The following MYO3B variants were observed in gnomAD, a reference collection of about 807,000 sequenced individuals.
MYO3B encodes the protein myosin-IIIb.
In MYO3B, 156 loss-of-function variants were observed where a neutral mutation model predicts 174.6. That is an observed-to-expected ratio of 0.89 (90% CI 0.78 to 1.02). The LOEUF (loss-of-function observed/expected upper bound fraction) is 1.02. MYO3B is among the 50% of genes least tolerant of loss of function. MYO3B has a pLI of 0.00. For synonymous variants in MYO3B, 563 were observed against 569.1 expected (o/e 0.99, Z 0.15); for missense variants, 1,632 against 1,639.4 (o/e 1.00, Z 0.08).
intron 8 of MYO3B, among the ~76,000 whole-genome samples, chr2:170,364,734 A>T (rs1266013130): frequency 6.6e-6 from 1 of 152,202 alleles, no homozygotes; most frequent in African/African-American, 2.4e-5. Flanking sequence ...TTTCATCTTC[A>T]TCCACTAAAT....
intron 22 of MYO3B, among the ~76,000 whole-genome samples, chr2:170,415,050 A>G (rs755391106): frequency 2.6e-5 from 4 of 152,118 alleles, no homozygotes; most frequent in African/African-American, 7.2e-5. Context: ...TTCCTTTCCA[A>G]TCTTAATGCT....
intron 22 of MYO3B, among the ~76,000 whole-genome samples, chr2:170,422,977 CTT>C (rs34882424): frequency 4.5e-5 from 4 of 88,506 alleles, no homozygotes; most frequent in Non-Finnish European, 4.1e-5. Flanking sequence ...TTCTTTCTTT[CTT>C]TTTTTTTTTT....
chr2:170,470,334 G>A (rs540836968), intron 25 of MYO3B, among the ~76,000 whole-genome samples: 3 of 151,944 alleles, frequency 2.0e-5, no homozygotes, highest in East Asian at 3.9e-4. Context: ...TTGACATTTC[G>A]TGTAAATGGA....
intron 9 of MYO3B, among the ~76,000 whole-genome samples, chr2:170,375,789 T>C (rs1015858284): frequency 5.9e-5 from 9 of 152,002 alleles, no homozygotes; most frequent in Non-Finnish European, 1.3e-4. Context: ...TGGGTTCTTA[T>C]GTAAATAAGT....
At chr2:170,416,641 T>C (rs2094580951) in intron 22 of MYO3B, among the ~76,000 whole-genome samples, 1 of 143,068 alleles carries the variant, frequency 7.0e-6, no homozygotes, top group Admixed American at 7.1e-5. Flanking sequence ...TTTTTTTTTT[T>C]GTACACACAA....
intron 23 of MYO3B, among the ~76,000 whole-genome samples, chr2:170,447,472 A>G (rs186730120): frequency 9.4e-4 from 143 of 152,306 alleles, no homozygotes; most frequent in Non-Finnish European, 1.4e-3. Flanking sequence ...GAAATTCTTC[A>G]GTTTTCATTT....
At chr2:170,383,638 G>T in intron 11 of MYO3B, 72 bp from the exon 12 acceptor site, 1 of 1,176,280 alleles carries the variant, frequency 8.5e-7, no homozygotes. Context: ...CAGATTCTTG[G>T]TTTCATGGGC....
chr2:170,622,635 C>A (rs1439050668), intron 32 of MYO3B, among the ~76,000 whole-genome samples: 1 of 152,016 alleles, frequency 6.6e-6, no homozygotes, highest in Non-Finnish European at 1.5e-5. Context: ...AGGTTTGTTA[C>A]ATATGTATAC....
At chr2:170,385,425 G>A (rs1252812775) in intron 12 of MYO3B, among the ~76,000 whole-genome samples, 1 of 152,072 alleles carries the variant, frequency 6.6e-6, no homozygotes, top group Admixed American at 6.6e-5. Flanking sequence ...AATAACGAAA[G>A]ATACTCCTAC....
intron 30 of MYO3B, chr2:170,524,527 A>G: frequency 2.2e-6 from 1 of 447,904 alleles, no homozygotes; most frequent in Non-Finnish European, 4.5e-6. Flanking sequence ...TCTGTTGCTC[A>G]GGCTGGAGTG....
At chr2:170,328,109 C>T (rs758554309) in intron 7 of MYO3B, among the ~76,000 whole-genome samples, 1 of 151,884 alleles carries the variant, frequency 6.6e-6, no homozygotes, top group Non-Finnish European at 1.5e-5. Context: ...GTTGTATTGC[C>T]CAGGCTGATC....
intron 8 of MYO3B, among the ~76,000 whole-genome samples, chr2:170,347,790 A>G (rs1051629545): frequency 6.6e-6 from 1 of 152,180 alleles, no homozygotes; most frequent in Admixed American, 6.5e-5. Flanking sequence ...AAAAGTGAAC[A>G]ATTCAGTGGT....
At chr2:170,404,586 C>T (rs922843154) in intron 20 of MYO3B, among the ~76,000 whole-genome samples, 186 bp downstream of exon 20, 1 of 152,244 alleles carries the variant, frequency 6.6e-6, no homozygotes, top group Middle Eastern at 3.4e-3. Flanking sequence ...GCAAACCCAT[C>T]GCTATTCCTA....
At chr2:170,406,705 T>A (rs1267757384) in intron 21 of MYO3B, among the ~76,000 whole-genome samples, 4 of 151,956 alleles carry the variant, frequency 2.6e-5, no homozygotes, top group Admixed American at 2.6e-4. Flanking sequence ...TATTTTCCTT[T>A]CTTGATTTTA....
chr2:170,647,024 A>G (rs1347160899), intron 32 of MYO3B: 1 of 772,372 alleles, frequency 1.3e-6, no homozygotes, highest in Non-Finnish European at 2.0e-6. Flanking sequence ...GGAACGTTTT[A>G]CTTTAATATA....
intron 10 of MYO3B, chr2:170,382,571 T>C (rs1487853519): frequency 5.9e-6 from 1 of 170,536 alleles, no homozygotes; most frequent in Non-Finnish European, 1.3e-5. Context: ...TTAATTGCAC[T>C]GGACCTGTTT....
intron 32 of MYO3B, chr2:170,601,961 C>T: frequency 3.5e-6 from 3 of 848,420 alleles, no homozygotes; most frequent in Non-Finnish European, 6.0e-6. Flanking sequence ...TTGGAATCCT[C>T]GAACTTCTTT....
chr2:170,461,621 C>G (rs1265953351), intron 23 of MYO3B, among the ~76,000 whole-genome samples: 1 of 150,206 alleles, frequency 6.7e-6, no homozygotes. Flanking sequence ...ACCAAAAATA[C>G]AAAAATTAGC....
chr2:170,365,109 A>G (rs1056455965), intron 8 of MYO3B, among the ~76,000 whole-genome samples: 2 of 152,166 alleles, frequency 1.3e-5, no homozygotes, highest in African/African-American at 4.8e-5. Context: ...CCCTGACTAC[A>G]GTTCTTCCCT....
Sources: gnomAD v4.1 joint callset for allele counts (sites outside exome capture counted in the v4.1 genomes callset) on GRCh38, gnomAD v4.1.1 for gene constraint, MANE v1.5 for transcripts, NCBI Gene and HGNC (gene_info 2026-07-23, HGNC 2026-07-21) for gene names.